WWOX: variants seen among roughly 807,000 people sequenced by gnomAD.
WWOX encodes the protein WW domain containing oxidoreductase.
A neutral mutation model predicts 46.2 loss-of-function variants in WWOX; 69 were observed. That is an observed-to-expected ratio of 1.49 (90% CI 1.23 to 1.82). The LOEUF (loss-of-function observed/expected upper bound fraction) is 1.82. WWOX is among the 40% of genes most tolerant of loss of function. The probability of loss-of-function intolerance (pLI) is 0.00; values close to 1 mark genes in which losing one functional copy is unlikely to be tolerated. For missense variants in WWOX, 919 were observed against 542.6 expected (o/e 1.69, Z -6.89); for synonymous variants, 359 against 202.6 (o/e 1.77, Z -6.56).
intron 8 of WWOX, among the ~76,000 whole-genome samples, chr16:79,010,321 G>A (rs1032292864): frequency 1.3e-5 from 2 of 152,148 alleles, no homozygotes; most frequent in Admixed American, 6.5e-5. Flanking sequence ...GAGGGAAGGT[G>A]CCTCAGGCGA....
At chr16:78,783,286 G>T (rs1292759973) in intron 8 of WWOX, among the ~76,000 whole-genome samples, 1 of 152,226 alleles carries the variant, frequency 6.6e-6, no homozygotes, top group Admixed American at 6.5e-5. Flanking sequence ...TCCTTACAGT[G>T]TGTGTGGCAC....
intron 8 of WWOX, among the ~76,000 whole-genome samples, chr16:78,762,418 A>G (rs925593317): frequency 6.6e-6 from 1 of 152,106 alleles, no homozygotes; most frequent in Non-Finnish European, 1.5e-5. Flanking sequence ...TAGAAGGGGA[A>G]CTGCTCACCG....
At chr16:78,435,796 C>T (rs1326403922) in intron 8 of WWOX, among the ~76,000 whole-genome samples, 1 of 152,234 alleles carries the variant, frequency 6.6e-6, no homozygotes, top group African/African-American at 2.4e-5. Context: ...AGACATGTCA[C>T]CAGCTTTCTG....
intron 8 of WWOX, among the ~76,000 whole-genome samples, chr16:78,612,698 C>G (rs1024797993): frequency 6.6e-6 from 1 of 152,108 alleles, no homozygotes; most frequent in Non-Finnish European, 1.5e-5. Flanking sequence ...TGGTCTCAAA[C>G]TCCTGGCCTC....
At chr16:78,289,188 G>A (rs72790080) in intron 5 of WWOX, among the ~76,000 whole-genome samples, 193 of 152,254 alleles carry the variant, frequency 1.3e-3, no homozygotes, top group Non-Finnish European at 2.0e-3. Context: ...GTTTCTTCCC[G>A]AGCTTCAGGC....
At chr16:78,208,811 A>G (rs571947313) in intron 5 of WWOX, among the ~76,000 whole-genome samples, 1 of 152,374 alleles carries the variant, frequency 6.6e-6, no homozygotes, top group Admixed American at 6.5e-5. Context: ...GAACATACCA[A>G]TTAATGTTCT....
At chr16:79,067,025 AAGGACGGCTCT>A (rs1451261786) in intron 8 of WWOX, among the ~76,000 whole-genome samples, 7 of 152,134 alleles carry the variant, frequency 4.6e-5, no homozygotes, top group Non-Finnish European at 1.5e-5. Flanking sequence ...TGCTCTGTTG[AAGGACGGCTCT>A]GGAAGGGAGC....
At chr16:78,567,556 A>G (rs2044602220) in intron 8 of WWOX, among the ~76,000 whole-genome samples, 1 of 146,666 alleles carries the variant, frequency 6.8e-6, no homozygotes, top group Non-Finnish European at 1.5e-5. Context: ...CCGTCTCAAA[A>G]AAAAAAAAAA....
intron 8 of WWOX, among the ~76,000 whole-genome samples, chr16:78,974,738 C>T (rs537480260): frequency 1.8e-4 from 28 of 152,310 alleles, no homozygotes; most frequent in African/African-American, 5.8e-4. Flanking sequence ...AAGACCCACA[C>T]TTGGTCTCTG....
At chr16:78,707,548 G>T (rs1477657612) in intron 8 of WWOX, among the ~76,000 whole-genome samples, 1 of 152,098 alleles carries the variant, frequency 6.6e-6, no homozygotes, top group Non-Finnish European at 1.5e-5. Flanking sequence ...AGGAACCGAA[G>T]TCAGAAATAA....
chr16:78,949,256 A>C (rs540356843), intron 8 of WWOX, among the ~76,000 whole-genome samples: 14 of 151,970 alleles, frequency 9.2e-5, no homozygotes, highest in Non-Finnish European at 2.1e-4. Context: ...CACCTGAGCC[A>C]CTCTTTGCCT....
intron 5 of WWOX, among the ~76,000 whole-genome samples, chr16:78,304,867 T>C (rs2077576): frequency 0.15 from 22,467 of 152,168 alleles, 2,370 homozygotes; most frequent in South Asian, 0.34. Flanking sequence ...TTTGACACAT[T>C]TCGCTAGCAT....
chr16:78,704,847 G>A (rs563191320), intron 8 of WWOX, among the ~76,000 whole-genome samples: 12 of 151,992 alleles, frequency 7.9e-5, no homozygotes, highest in Admixed American at 5.2e-4. Flanking sequence ...TTGACATTAC[G>A]TGGCTTCTTT....
At chr16:78,394,027 CT>C (rs1403046454) in intron 6 of WWOX, among the ~76,000 whole-genome samples, 1 of 152,106 alleles carries the variant, frequency 6.6e-6, no homozygotes, top group African/African-American at 2.4e-5. Flanking sequence ...ATTTTGCTGT[CT>C]CAAATCCATC....
intron 8 of WWOX, among the ~76,000 whole-genome samples, chr16:78,698,219 T>C (rs1274419131): frequency 1.3e-5 from 2 of 152,144 alleles, no homozygotes; most frequent in Non-Finnish European, 2.9e-5. Flanking sequence ...CAGATGGAGT[T>C]TGGATTCGGG....
chr16:78,499,582 T>G (rs953347941), intron 8 of WWOX, among the ~76,000 whole-genome samples: 6 of 152,248 alleles, frequency 3.9e-5, no homozygotes, highest in Middle Eastern at 3.2e-3. Flanking sequence ...TCCTGCCTCC[T>G]GGCCCAGGGC....
rs146878733 is a variant in WWOX, at chr16:79,088,697, T to A, written c.1057-122911T>A. ...CTGTGGGTACATCATTTGTCAAATA[T>A]GTGGTCCATATTGAGAACCGCATAA... On this transcript the variant is annotated intron_variant, in intron 8 of 8. Coordinates refer to ENST00000566780, the MANE Select transcript of WWOX (RefSeq NM_016373.4). Among the ~76,000 whole-genome samples, 63 of 152,300 alleles carry A rather than the reference T, an allele frequency of 4.1e-4. 3 individuals carry two copies. The highest frequency in any genetic ancestry group is 4.1e-3 in the Admixed American group (62 of 15,306).
At chr16:79,130,826 T>C (rs1393290956) in intron 8 of WWOX, among the ~76,000 whole-genome samples, 4 of 152,178 alleles carry the variant, frequency 2.6e-5, no homozygotes, top group African/African-American at 9.6e-5. Flanking sequence ...CTTTGAGATT[T>C]CCATGTTCTC....
intron 8 of WWOX, among the ~76,000 whole-genome samples, chr16:78,487,688 G>C (rs531618996): frequency 6.6e-6 from 1 of 152,222 alleles, no homozygotes; most frequent in South Asian, 2.1e-4. Flanking sequence ...TCTCCCAGTA[G>C]GGATAATAAA....
Sources: allele counts gnomAD v4.1 joint callset (sites outside exome capture counted in the v4.1 genomes callset), GRCh38; gene constraint gnomAD v4.1.1; transcripts MANE v1.5; gene names NCBI Gene and HGNC (gene_info 2026-07-23, HGNC 2026-07-21).